ACADS: variants seen among roughly 807,000 people sequenced by gnomAD.
The protein encoded by ACADS is acyl-CoA dehydrogenase short chain.
A neutral mutation model predicts 46.8 loss-of-function variants in ACADS; 28 were observed. The ratio of observed to expected loss-of-function variants is 0.60; its 90% confidence interval spans 0.44 to 0.82. The LOEUF is 0.82. Among genes scored for constraint, ACADS ranks in the 40% least tolerant of loss-of-function variants. The probability of loss-of-function intolerance (pLI) is 0.00; values close to 1 mark genes in which losing one functional copy is unlikely to be tolerated. For synonymous variants in ACADS, 236 were observed against 237.7 expected (o/e 0.99, Z 0.07); for missense variants, 528 against 578.0 (o/e 0.91, Z 0.89).
intron 4 of ACADS, 172 bp downstream of exon 4, chr12:120,737,639 G>T: frequency 9.4e-7 from 1 of 1,058,274 alleles, no homozygotes. Context: ...TGCCTTCGGG[G>T]TCCCCTGGTT....
chr12:120,737,616 C>T (rs1883499053), intron 4 of ACADS, 149 bp downstream of exon 4: 1 of 1,056,620 alleles, frequency 9.5e-7, no homozygotes. Context: ...CACCGCGGCG[C>T]TGGGAGGAAG....
chr12:120,726,022 T>C lies in ACADS; in HGVS notation c.46+91T>C, dbSNP rs558682189. The C allele has an allele frequency of 3.8e-6, 5 of 1,320,524 alleles. No individual in the cohort carries two copies. The Middle Eastern group carries it at 8.0e-4, about 211-fold the overall frequency. 81.8% of individuals were successfully genotyped at this position (1,320,524 alleles called of 1,614,324 possible). A position where few individuals can be genotyped will look rare whatever the true frequency, so the allele number is the denominator to read the frequency against. On this transcript the variant is annotated intron_variant, in intron 1 of 9. Coordinates refer to ENST00000242592, the MANE Select transcript of ACADS (RefSeq NM_000017.4). ...TGGCGGCCGGCTCTGTCAGAGCCGC[T>C]GGCAGGCGGAGCCCCACTCCGGGAG...
intron 2 of ACADS, among the ~76,000 whole-genome samples, chr12:120,733,743 T>C (rs904816191): frequency 6.6e-6 from 1 of 151,864 alleles, no homozygotes; most frequent in African/African-American, 2.4e-5. Flanking sequence ...GAGTTTCCTA[T>C]TGCTGCTGTA....
At chr12:120,737,651 A>T in intron 4 of ACADS, 184 bp downstream of exon 4, 2 of 1,082,910 alleles carry the variant, frequency 1.8e-6, no homozygotes, top group African/African-American at 1.6e-5. Flanking sequence ...CCCCTGGTTT[A>T]AGACGCCAGC....
intron 2 of ACADS, among the ~76,000 whole-genome samples, chr12:120,735,046 C>T (rs373956060): frequency 1.4e-5 from 2 of 144,728 alleles, no homozygotes; most frequent in African/African-American, 5.1e-5. Context: ...CTGAGGCAGG[C>T]GCATCACTTC....
Position 120,725,944 on chromosome 12 carries a change from G to C in ACADS, c.46+13G>C, listed in dbSNP as rs1367785354. ...CCTGCCCGCAGAGGTGAGTGCGCTG[G>C]GGATCCGTACGGCGGGGCTTCAGCC... On this transcript the variant is annotated intron_variant, in intron 1 of 9. Transcript: ENST00000242592. The C allele has an allele frequency of 6.5e-7, 1 of 1,541,560 alleles. No homozygotes were observed. The highest frequency in any genetic ancestry group is 1.4e-5 in the African/African-American group (1 of 71,072).
Position 120,739,126 on chromosome 12 carries a change from AC to A in ACADS, c.1030-9del. 6.2e-7 allele frequency: 1 copy of A among 1,612,736 alleles called. No homozygotes were observed. Among genetic ancestry groups the A allele is most frequent in the Non-Finnish European group, 8.5e-7 (1 of 1,179,910 alleles). On this transcript the variant is annotated splice_polypyrimidine_tract_variant and intron_variant, in intron 8 of 9. Coordinates refer to ENST00000242592, the MANE Select transcript of ACADS (RefSeq NM_000017.4). ...CCCCTCAAGGGAAGGCTCTGACTGT[AC>A]CCCCATGTTTAGGAGGCAGCCATGG...
chr12:120,729,875 G>T (rs1341211429), intron 2 of ACADS, among the ~76,000 whole-genome samples: 3 of 152,200 alleles, frequency 2.0e-5, no homozygotes, highest in African/African-American at 7.2e-5. Context: ...CTTAGGTGCT[G>T]CCCCAGAGCG....
intron 2 of ACADS, among the ~76,000 whole-genome samples, chr12:120,727,828 G>A (rs911817284): frequency 3.2e-4 from 48 of 152,228 alleles, no homozygotes; most frequent in African/African-American, 7.5e-4. Context: ...GAGACACCAC[G>A]CCCGGCCAAA....
At chr12:120,735,890 C>G (rs1883419986) in intron 2 of ACADS, among the ~76,000 whole-genome samples, 1 of 144,022 alleles carries the variant, frequency 6.9e-6, no homozygotes, top group African/African-American at 2.5e-5. Flanking sequence ...CAGAACAATA[C>G]TCTGTCACAA....
rs756892488 is a variant in ACADS at position 120,738,009 on chromosome 12, G to A, written c.624+21G>A. ...ACAAGGTGGGCCCACCCAGAGAGGGGTTCAGCCGGATCCTGGGCTGCTGTC... is the reference window on the plus strand; with the variant it reads ...ACAAGGTGGGCCCACCCAGAGAGGGATTCAGCCGGATCCTGGGCTGCTGTC... On this transcript the variant is annotated intron_variant, in intron 5 of 9. Transcript: ENST00000242592. 9 of 1,613,204 alleles carry A rather than the reference G, an allele frequency of 5.6e-6. 1 individual carries two copies. The South Asian group carries it at 8.8e-5, about 16-fold the overall frequency.
At chr12:120,730,460 G>C (rs773112679) in intron 2 of ACADS, among the ~76,000 whole-genome samples, 2 of 152,178 alleles carry the variant, frequency 1.3e-5, no homozygotes, top group Non-Finnish European at 2.9e-5. Context: ...AGGCGGCGCT[G>C]TGTAGGGAGG....
chr12:120,737,880 C>G lies in ACADS; in HGVS notation c.516C>G (p.Ala172=), dbSNP rs531683812. ...GAGCTGCGTCCACCACCGCCCGGGC[C>G]GAGGGCGACTCATGGGTTCTGAATG... ...DAGAASTTAR[A]EGDSWVLNGT... is the part of the protein sequence containing the mutation. The change falls in exon 5 of 10, where the codon GCC becomes GCG. Residue 172 remains alanine (A), a synonymous_variant. Coordinates refer to ENST00000242592, the MANE Select transcript of ACADS (RefSeq NM_000017.4). 6 of 1,614,018 alleles carry G rather than the reference C, an allele frequency of 3.7e-6. No individual in the cohort carries two copies. The highest frequency in any genetic ancestry group is 1.3e-5 in the African/African-American group (1 of 75,012).
chr12:120,738,070 C>T (rs1226730708), intron 5 of ACADS, 82 bp downstream of exon 5: 2 of 1,601,884 alleles, frequency 1.2e-6, no homozygotes, highest in Admixed American at 1.7e-5. Context: ...CTTGGCCCGA[C>T]TGGACCTATT....
chr12:120,728,067 GC>G lies in ACADS; in HGVS notation c.210+883del, dbSNP rs965930616. ...GGGTTCAAGCAATTCTCCTGCCTCG[GC>G]CCCCAGTAGCTGGGATTACAGGCGG... is the stretch of plus-strand genomic sequence containing the variant. On this transcript the variant is annotated intron_variant, in intron 2 of 9. Transcript: ENST00000242592. This position sits in a 1 kb window ranked among gnomAD's most constrained non-coding sequence, Gnocchi z 4.0. 1.3e-5 allele frequency among the ~76,000 whole-genome samples: 2 copies of G among 151,834 alleles called. No homozygotes were observed. Among genetic ancestry groups the G allele is most frequent in the Non-Finnish European group, 2.9e-5 (2 of 67,982 alleles).
intron 1 of ACADS, among the ~76,000 whole-genome samples, chr12:120,726,611 GA>G: frequency 6.6e-6 from 1 of 152,230 alleles, no homozygotes; most frequent in East Asian, 1.9e-4. Flanking sequence ...ACTTGTTATA[GA>G]AACGGAGGCT....
At chr12:120,736,637 C>T (rs149240361) in intron 2 of ACADS, among the ~76,000 whole-genome samples, 9 of 152,098 alleles carry the variant, frequency 5.9e-5, no homozygotes, top group Non-Finnish European at 1.2e-4. Context: ...TGTGGATGTG[C>T]AGAGGGGGCT....
At chr12:120,726,726 A>C (rs142986421) in intron 1 of ACADS, among the ~76,000 whole-genome samples, 26 of 152,300 alleles carry the variant, frequency 1.7e-4, no homozygotes, top group African/African-American at 6.0e-4. Context: ...ATGTCTAGTG[A>C]GTGTACTAAG....
At chr12:120,733,237 G>GAA (rs1747471081) in intron 2 of ACADS, among the ~76,000 whole-genome samples, 1 of 131,604 alleles carries the variant, frequency 7.6e-6, no homozygotes, top group African/African-American at 3.0e-5. Flanking sequence ...GGAGACCGGG[G>GAA]GGAGAGGGAG....
Sources: allele counts gnomAD v4.1 joint callset (sites outside exome capture counted in the v4.1 genomes callset), GRCh38; gene constraint gnomAD v4.1.1; non-coding constraint Gnocchi (gnomAD v3.1); transcripts MANE v1.5; gene names NCBI Gene and HGNC (gene_info 2026-07-23, HGNC 2026-07-21).